Variants in TUBGCP3 observed in about 807,000 individuals in gnomAD.
TUBGCP3 encodes the protein tubulin gamma complex component 3.
A neutral mutation model predicts 123.1 loss-of-function variants in TUBGCP3; 50 were observed. The ratio of observed to expected loss-of-function variants is 0.41; its 90% CI spans 0.32 to 0.51. TUBGCP3 has a LOEUF of 0.51. Ranked by LOEUF, TUBGCP3 falls within the 20% of genes least tolerant of loss-of-function variation. TUBGCP3 has a pLI of 0.36. For synonymous variants in TUBGCP3, 405 were observed against 413.9 expected (o/e 0.98, Z 0.26); for missense variants, 882 against 1,127.0 (o/e 0.78, Z 3.11).
At chr13:112,510,231 G>A (rs1337579968) in intron 17 of TUBGCP3, among the ~76,000 whole-genome samples, 4 of 152,186 alleles carry the variant, frequency 2.6e-5, no homozygotes, top group Admixed American at 2.6e-4. Context: ...TCAAACACCG[G>A]CTCTTAAGGA....
chr13:112,587,788 G>A (rs1442800853), intron 1 of TUBGCP3, 117 bp downstream of exon 1: 3 of 912,294 alleles, frequency 3.3e-6, no homozygotes, highest in East Asian at 6.5e-5. Context: ...CCGTCCCCCA[G>A]CCCTCTGCCC....
In TUBGCP3 at chr13:112,519,778, T is replaced by C; in HGVS notation, c.1881+108A>G. 1 of 1,401,670 alleles carries C rather than the reference T, an allele frequency of 7.1e-7. No homozygotes were observed. Among genetic ancestry groups the C allele is most frequent in the Admixed American group, 2.8e-5 (1 of 36,166 alleles). The allele number at this position is 1,401,670 out of a possible 1,614,324, so 86.8% of individuals were successfully genotyped here. On this transcript the variant is annotated intron_variant, in intron 15 of 21. Transcript: ENST00000261965. The surrounding 1 kb of genome is among the most constrained non-coding windows in gnomAD (Gnocchi z 6.2). The stretch of plus-strand genomic sequence containing the variant: ...TCAGGCTGCCCAGTTTCCAGAAAGA[T>C]AACGGCTAGCTGTGCCTGAAACAAC...
At chr13:112,538,343 G>A (rs1878239819) in intron 11 of TUBGCP3, among the ~76,000 whole-genome samples, 1 of 152,196 alleles carries the variant, frequency 6.6e-6, no homozygotes, top group Non-Finnish European at 1.5e-5. Context: ...AAGCATTTTA[G>A]ATAAGAGATA....
At chr13:112,542,381 T>G (rs1252499077) in intron 11 of TUBGCP3, among the ~76,000 whole-genome samples, 1 of 152,180 alleles carries the variant, frequency 6.6e-6, no homozygotes, top group Admixed American at 6.6e-5. Context: ...ATAAATGCAT[T>G]AAAAATGGCA....
chr13:112,515,564 G>A lies in TUBGCP3; in HGVS notation c.2086+876C>T, dbSNP rs79756376. 5.3e-3 allele frequency among the ~76,000 whole-genome samples: 801 copies of A among 152,284 alleles called. 5 individuals carry two copies. The highest frequency in any genetic ancestry group is 0.018 in the African/African-American group (758 of 41,562). The stretch of plus-strand genomic sequence containing the variant: ...CAGCACGGCCCTCCTCCCGCCTCCC[G>A]TCCAGTGGCAGCACATTCATAAGAA... On this transcript the variant is annotated intron_variant, in intron 17 of 21. Coordinates refer to ENST00000261965, the MANE Select transcript of TUBGCP3 (RefSeq NM_006322.6).
Position 112,588,027 on chromosome 13 carries a change from C to T in TUBGCP3, c.-47G>A, listed in dbSNP as rs922834824. ...GTGGTCCGGGCAGAGCCGCCACTGC[C>T]GCCGCACGCGCAGGGACCGCGGCCC... On this transcript the variant is annotated 5_prime_UTR_variant, in exon 1 of 22. Transcript: ENST00000261965. The T allele has an allele frequency of 7.2e-7, 1 of 1,382,818 alleles. No homozygotes were observed. Among genetic ancestry groups the T allele is most frequent in the South Asian group, 1.5e-5 (1 of 65,380 alleles). The allele number at this position is 1,382,818 out of a possible 1,614,324, so 85.7% of individuals were successfully genotyped here. A position where few individuals can be genotyped will look rare whatever the true frequency, so the allele number is the denominator to read the frequency against.
chr13:112,525,979 T>C (rs1877028178), intron 13 of TUBGCP3, among the ~76,000 whole-genome samples: 1 of 152,154 alleles, frequency 6.6e-6, no homozygotes, highest in African/African-American at 2.4e-5. Context: ...AGAGTAATTC[T>C]AATAATCTAT....
At chr13:112,534,363 G>T (rs1453869160) in intron 11 of TUBGCP3, among the ~76,000 whole-genome samples, 1 of 152,086 alleles carries the variant, frequency 6.6e-6, no homozygotes, top group African/African-American at 2.4e-5. Flanking sequence ...TGGCTAACAC[G>T]GTGAAACCCC....
At chr13:112,535,347 T>C (rs1028561517) in intron 11 of TUBGCP3, among the ~76,000 whole-genome samples, 3 of 152,146 alleles carry the variant, frequency 2.0e-5, no homozygotes, top group Non-Finnish European at 4.4e-5. Context: ...CCATATTTAA[T>C]TTTTTTAGAA....
chr13:112,542,645 C>T (rs190730646), intron 11 of TUBGCP3, among the ~76,000 whole-genome samples: 1 of 152,094 alleles, frequency 6.6e-6, no homozygotes, highest in South Asian at 2.1e-4. Flanking sequence ...TAACATTGAA[C>T]ATTATATAAA....
chr13:112,502,397 G>A (rs926616377), intron 19 of TUBGCP3, among the ~76,000 whole-genome samples: 3 of 152,232 alleles, frequency 2.0e-5, no homozygotes, highest in South Asian at 2.1e-4. Context: ...AAACGTGTGC[G>A]GACAATGCTT....
rs771178595 is a variant in TUBGCP3 at position 112,519,852 on chromosome 13, G to A, written c.1881+34C>T. ...CCCGGCCCAGTGGGTCCTCGGTGCC[G>A]GGGCGGCGTTCCCAACACGCAGAGC... is the stretch of plus-strand genomic sequence containing the variant. On this transcript the variant is annotated intron_variant, in intron 15 of 21. Coordinates refer to ENST00000261965, the MANE Select transcript of TUBGCP3 (RefSeq NM_006322.6). This position sits in a 1 kb window ranked among gnomAD's most constrained non-coding sequence, Gnocchi z 6.2. The A allele has an allele frequency of 2.3e-5, 37 of 1,600,756 alleles. 1 individual carries two copies. Among genetic ancestry groups the A allele is most frequent in the Admixed American group, 2.2e-4 (13 of 58,994 alleles).
chr13:112,569,860 A>T (rs1444554823), intron 1 of TUBGCP3, among the ~76,000 whole-genome samples: 1 of 152,202 alleles, frequency 6.6e-6, no homozygotes, highest in Non-Finnish European at 1.5e-5. Context: ...CTGCAGATAG[A>T]TGTGTGGTAA....
intron 1 of TUBGCP3, chr13:112,587,217 T>C (rs1055222918): frequency 6.6e-6 from 1 of 152,230 alleles, no homozygotes; most frequent in African/African-American, 2.4e-5. Context: ...GACTACAAAA[T>C]GGTTTTACCT....
At chr13:112,553,487 GCTC>G (rs1369415234) in intron 8 of TUBGCP3, among the ~76,000 whole-genome samples, 2 of 152,254 alleles carry the variant, frequency 1.3e-5, no homozygotes, top group Non-Finnish European at 2.9e-5. Context: ...AGATGCCACG[GCTC>G]CTATTAGCTG....
intron 2 of TUBGCP3, among the ~76,000 whole-genome samples, chr13:112,566,632 T>C (rs1054567815): frequency 7.9e-5 from 12 of 152,212 alleles, no homozygotes; most frequent in Admixed American, 7.9e-4. Flanking sequence ...ATTTACAACA[T>C]ATAAATAGAC....
chr13:112,529,527 C>A (rs1469757965), intron 11 of TUBGCP3, among the ~76,000 whole-genome samples: 2 of 152,182 alleles, frequency 1.3e-5, no homozygotes, highest in Non-Finnish European at 2.9e-5. Context: ...CTTCCTGGGG[C>A]TCCCCATCTC....
At chr13:112,494,651 TATCCATGGTGGCTGGACTA>T (rs1880404658) in intron 20 of TUBGCP3, among the ~76,000 whole-genome samples, 1 of 152,202 alleles carries the variant, frequency 6.6e-6, no homozygotes, top group African/African-American at 2.4e-5. Context: ...TATAAACTTA[TATCCATGGTGGCTGGACTA>T]ATCCATGTTC....
chr13:112,543,083 G>A (rs1878661975), intron 11 of TUBGCP3, among the ~76,000 whole-genome samples: 1 of 152,182 alleles, frequency 6.6e-6, no homozygotes, highest in Non-Finnish European at 1.5e-5. Context: ...CCCAGAGGTG[G>A]AGGTTGCAGT....
Sources: gnomAD v4.1 joint callset for allele counts (sites outside exome capture counted in the v4.1 genomes callset) on GRCh38, gnomAD v4.1.1 for gene constraint, Gnocchi (gnomAD v3.1) non-coding constraint, MANE v1.5 for transcripts, NCBI Gene and HGNC (gene_info 2026-07-23, HGNC 2026-07-21) for gene names.